Variants in MORC1 observed in about 807,000 individuals in gnomAD.
MORC1 encodes the protein MORC family CW-type zinc finger protein 1.
In MORC1, 59 loss-of-function variants were observed where a neutral mutation model predicts 134.9. That is an observed-to-expected ratio of 0.44 (90% CI 0.35 to 0.54). The LOEUF (loss-of-function observed/expected upper bound fraction) is 0.54. Among genes scored for constraint, MORC1 ranks in the 20% least tolerant of loss-of-function variants. The pLI is 0.00. For missense variants in MORC1, 947 were observed against 1,134.5 expected (o/e 0.83, Z 2.37); for synonymous variants, 395 against 391.7 (o/e 1.01, Z -0.10).
In MORC1 at chr3:109,007,109, C is replaced by T. The variant is rs202244468; in HGVS notation, c.1705-18G>A. ...AATTGAGGCTTTATGGGAAAGCAAA[C>T]CATTAAGGCAAATGTAAGTAAAAAT... is the stretch of plus-strand genomic sequence containing the variant. On this transcript the variant is annotated intron_variant, in intron 17 of 27. Transcript: ENST00000232603. 6.8e-5 allele frequency: 109 copies of T among 1,594,654 alleles called. No individual in the cohort carries two copies. In the East Asian group the frequency reaches 2.4e-3, roughly 35 times the overall value.
intron 4 of MORC1, among the ~76,000 whole-genome samples, chr3:109,103,504 A>G (rs72935402): frequency 0.013 from 2,003 of 152,348 alleles, 29 homozygotes; most frequent in African/African-American, 0.035. Flanking sequence ...GGCTCTCACA[A>G]GCAATACCTA....
intron 16 of MORC1, among the ~76,000 whole-genome samples, chr3:109,031,625 G>A (rs998506648): frequency 2.6e-5 from 4 of 152,082 alleles, no homozygotes; most frequent in Non-Finnish European, 4.4e-5. Context: ...TCATACATAG[G>A]TTTCTTAGCC....
intron 8 of MORC1, among the ~76,000 whole-genome samples, chr3:109,082,903 A>C (rs1450353831): frequency 6.6e-6 from 1 of 152,192 alleles, no homozygotes; most frequent in African/African-American, 2.4e-5. Context: ...AACTTGAGAA[A>C]GAGACCAATA....
intron 14 of MORC1, among the ~76,000 whole-genome samples, chr3:109,039,313 T>C (rs1949456204): frequency 6.6e-6 from 1 of 152,198 alleles, no homozygotes; most frequent in African/African-American, 2.4e-5. Context: ...GCTGGTTCTG[T>C]TACATATTAG....
At chr3:109,021,526 T>C (rs920167027) in intron 17 of MORC1, among the ~76,000 whole-genome samples, 3 of 152,214 alleles carry the variant, frequency 2.0e-5, no homozygotes, top group Non-Finnish European at 4.4e-5. Context: ...CTCTTGGCCT[T>C]TGACGACAGC....
intron 9 of MORC1, among the ~76,000 whole-genome samples, chr3:109,066,833 T>A (rs74419792): frequency 6.6e-6 from 1 of 152,160 alleles, no homozygotes; most frequent in East Asian, 1.9e-4. Flanking sequence ...ACTCAAGTAA[T>A]TGCCAAAGGT....
At position 109,060,575 on chromosome 3, in the gene MORC1, A is replaced by G. The variant is rs539334277; in HGVS notation, c.967-705T>C. 1.4e-4 allele frequency among the ~76,000 whole-genome samples: 22 copies of G among 152,188 alleles called. No homozygotes were observed. The East Asian group carries it at 3.3e-3, about 23-fold the overall frequency. On this transcript the variant is annotated intron_variant, in intron 11 of 27. Coordinates refer to ENST00000232603, the MANE Select transcript of MORC1 (RefSeq NM_014429.4). ...TATGTCTTTTGATGTATGGCATACT[A>G]CTGAATGAACACTATTTTCACTGAA...
chr3:108,971,560 G>C (rs2107396273), intron 24 of MORC1, among the ~76,000 whole-genome samples, 158 bp from the exon 25 acceptor site: 1 of 152,300 alleles, frequency 6.6e-6, no homozygotes, highest in Non-Finnish European at 1.5e-5. Context: ...ACATCAAAGT[G>C]TTCTTCAGAA....
intron 8 of MORC1, among the ~76,000 whole-genome samples, chr3:109,076,375 G>A (rs940065709): frequency 6.6e-6 from 1 of 152,168 alleles, no homozygotes; most frequent in African/African-American, 2.4e-5. Context: ...TTACACTGTT[G>A]GTGAGACTGT....
intron 12 of MORC1, among the ~76,000 whole-genome samples, chr3:109,059,477 T>A (rs1465275056): frequency 5.3e-5 from 8 of 152,148 alleles, no homozygotes; most frequent in Non-Finnish European, 8.8e-5. Flanking sequence ...GAAAGTGAGT[T>A]ATCAGCTGTT....
intron 8 of MORC1, among the ~76,000 whole-genome samples, chr3:109,092,031 T>A (rs1007578850): frequency 6.6e-6 from 1 of 152,204 alleles, no homozygotes; most frequent in Non-Finnish European, 1.5e-5. Context: ...CTCTGACAGA[T>A]AACTGTTTCA....
At chr3:109,054,590 C>A in intron 14 of MORC1, 138 bp downstream of exon 14, 1 of 723,446 alleles carries the variant, frequency 1.4e-6, no homozygotes. Flanking sequence ...CCTTCTCACT[C>A]CTGTTTTTAA....
Position 109,054,751 on chromosome 3 carries a change from T to C in MORC1, c.1307A>G (p.Gln436Arg), listed in dbSNP as rs904451737. ...ACTGATGCCGGTGTCCTTACAGTAC[T>C]GGACCAAGTACTGTCCCATGACTTT... is the stretch of plus-strand genomic sequence containing the variant. ...LLKVMGQYLV[Q>R]YCKDTGINNR... is the part of the protein sequence containing the mutation. The change falls in exon 14 of 28, where the codon CAG (glutamine) becomes CGG (arginine). Residue 436 changes from glutamine (Q) to arginine (R), a missense_variant. Around this residue, in one of 3 missense-constraint regions of MORC1, gnomAD observed 722 missense variants for 817.0 expected, o/e 0.88. Transcript: ENST00000232603. The C allele has an allele frequency of 6.3e-7, 1 of 1,585,300 alleles. No individual in the cohort carries two copies. Among genetic ancestry groups the C allele is most frequent in the Non-Finnish European group, 8.5e-7 (1 of 1,172,676 alleles).
intron 17 of MORC1, among the ~76,000 whole-genome samples, chr3:109,020,428 T>C (rs1017131954): frequency 2.0e-5 from 3 of 152,046 alleles, no homozygotes; most frequent in African/African-American, 7.2e-5. Flanking sequence ...GAAGACTAAC[T>C]GAAGGAGTGG....
At chr3:109,048,749 C>T (rs1949752972) in intron 14 of MORC1, among the ~76,000 whole-genome samples, 1 of 152,068 alleles carries the variant, frequency 6.6e-6, no homozygotes, top group African/African-American at 2.4e-5. Context: ...TTTGTGTGCA[C>T]CTATCCCTGG....
At chr3:109,069,817 G>C (rs1381066168) in intron 8 of MORC1, 60 bp from the exon 9 acceptor site, 1 of 1,502,904 alleles carries the variant, frequency 6.7e-7, no homozygotes, top group Non-Finnish European at 9.0e-7. Context: ...ATCTCTTTGA[G>C]AAGAAATAAC....
intron 8 of MORC1, among the ~76,000 whole-genome samples, chr3:109,092,866 T>A (rs1287730036): frequency 6.6e-6 from 1 of 152,204 alleles, no homozygotes; most frequent in African/African-American, 2.4e-5. Context: ...AGCTAAGTTG[T>A]AAGTAACACT....
intron 17 of MORC1, among the ~76,000 whole-genome samples, chr3:109,026,659 A>G (rs1390446370): frequency 6.6e-6 from 1 of 152,256 alleles, no homozygotes; most frequent in Non-Finnish European, 1.5e-5. Context: ...AAAATATTTC[A>G]TAACAAAAAG....
chr3:108,981,205 AT>A lies in MORC1; in HGVS notation c.2325-1539del, dbSNP rs889656014. 3.3e-5 allele frequency among the ~76,000 whole-genome samples: 5 copies of A among 151,586 alleles called. 1 individual carries two copies. Among genetic ancestry groups the A allele is most frequent in the African/African-American group, 4.8e-5 (2 of 41,260 alleles). On this transcript the variant is annotated intron_variant, in intron 23 of 27. Transcript: ENST00000232603. ...GTTTTGTTTGTCAAGTAATAAAAAGATTTTTTTTTGTAATCCTTTCATGCTG... is the reference window on the plus strand; with the variant it reads ...GTTTTGTTTGTCAAGTAATAAAAAGATTTTTTTTGTAATCCTTTCATGCTG...
Sources: gnomAD v4.1 joint callset for allele counts (sites outside exome capture counted in the v4.1 genomes callset) on GRCh38, gnomAD v4.1.1 for gene constraint, gnomAD v4.1.1 regional missense constraint, MANE v1.5 for transcripts, NCBI Gene and HGNC (gene_info 2026-07-23, HGNC 2026-07-21) for gene names.